The following LSM12 variants were observed in gnomAD, a reference collection of about 807,000 sequenced individuals.
LSM12 encodes protein LSM12.
For missense variants in LSM12, 108 were observed against 238.9 expected (o/e 0.45, Z 3.61); for synonymous variants, 74 against 87.3 (o/e 0.85, Z 0.85).
intron 3 of LSM12, 81 bp downstream of exon 3, chr17:44,040,066 A>C (rs1271404121): frequency 9.5e-7 from 1 of 1,056,464 alleles, no homozygotes; most frequent in Non-Finnish European, 1.4e-6. Context: ...TTAGGAAGAC[A>C]ACCACCCAAA....
Position 44,036,310 on chromosome 17 carries a change from ACCAGGCAAC to A in LSM12, c.496-19_496-11del. 6.2e-7 allele frequency: 1 copy of A among 1,614,130 alleles called. No individual in the cohort carries two copies. The highest frequency in any genetic ancestry group is 8.5e-7 in the Non-Finnish European group (1 of 1,179,992). ...TAAAATGTTTTTCAACCTGAAAAAG[ACCAGGCAAC>A]CCAGGTCAACAAAGGAGATGCGGAA... On this transcript the variant is annotated splice_polypyrimidine_tract_variant and intron_variant, in intron 4 of 4. Coordinates refer to ENST00000293406, the MANE Select transcript of LSM12 (RefSeq NM_001371445.1).
intron 2 of LSM12, among the ~76,000 whole-genome samples, chr17:44,051,781 C>T (rs2049647407): frequency 6.6e-6 from 1 of 152,062 alleles, no homozygotes. Context: ...CAAGACCAGA[C>T]TGGGCAACAT....
At chr17:44,062,580 C>T (rs1255057796) in intron 2 of LSM12, among the ~76,000 whole-genome samples, 2 of 152,026 alleles carry the variant, frequency 1.3e-5, no homozygotes, top group Middle Eastern at 3.2e-3. Context: ...ACTAAATAAA[C>T]GGAATTGTCA....
chr17:44,064,851 T>G (rs1394948069), intron 1 of LSM12, among the ~76,000 whole-genome samples: 1 of 152,020 alleles, frequency 6.6e-6, no homozygotes, highest in Non-Finnish European at 1.5e-5. Flanking sequence ...GCAACTATTC[T>G]TAGGCCGCGC....
intron 2 of LSM12, among the ~76,000 whole-genome samples, chr17:44,048,978 C>T (rs891019108): frequency 6.6e-6 from 1 of 152,138 alleles, no homozygotes; most frequent in Admixed American, 6.6e-5. Context: ...TCACTTGAGG[C>T]CAGGAGTTCA....
chr17:44,051,368 C>T (rs910075421), intron 2 of LSM12, among the ~76,000 whole-genome samples: 1 of 135,876 alleles, frequency 7.4e-6, no homozygotes, highest in Non-Finnish European at 1.5e-5. Flanking sequence ...TTTAGCCTGG[C>T]GACAGAGCGA....
intron 2 of LSM12, among the ~76,000 whole-genome samples, chr17:44,050,990 G>C (rs764699379): frequency 6.6e-6 from 1 of 152,058 alleles, no homozygotes; most frequent in Admixed American, 6.5e-5. Context: ...AATTAGCTGG[G>C]GGGCTGGACG....
intron 2 of LSM12, among the ~76,000 whole-genome samples, chr17:44,054,726 C>A (rs1311316411): frequency 6.6e-6 from 1 of 152,202 alleles, no homozygotes; most frequent in Non-Finnish European, 1.5e-5. Context: ...CATCTCCCAC[C>A]TGTATCTTCC....
At chr17:44,054,837 C>CTT (rs971642524) in intron 2 of LSM12, among the ~76,000 whole-genome samples, 1 of 142,658 alleles carries the variant, frequency 7.0e-6, no homozygotes, top group Admixed American at 7.1e-5. Flanking sequence ...TTTTCTTTTT[C>CTT]TTTTTTTTTT....
At position 44,040,449 on chromosome 17, in the gene LSM12, G is replaced by GTTCC. The variant is rs149954731; in HGVS notation, c.259-197_259-194dup. 2,472 of 511,602 alleles carry GTTCC rather than the reference G, an allele frequency of 4.8e-3. 45 individuals are homozygous for GTTCC. The highest frequency in any genetic ancestry group is 0.042 in the African/African-American group (2,166 of 51,712). 31.7% of individuals were successfully genotyped at this position (511,602 alleles called of 1,614,324 possible). On this transcript the variant is annotated intron_variant, in intron 2 of 4. Coordinates refer to ENST00000293406, the MANE Select transcript of LSM12 (RefSeq NM_001371445.1). ...ACAGTTACTGGTATTCCAAGAAAAC[G>GTTCC]TTCCTTCCTTCCTTCTAATACTTAC...
intron 2 of LSM12, among the ~76,000 whole-genome samples, chr17:44,059,492 TGA>T (rs1050899008): frequency 6.6e-6 from 1 of 152,016 alleles, no homozygotes; most frequent in African/African-American, 2.4e-5. Flanking sequence ...CTCAGGAGGC[TGA>T]GACAGGAGAA....
chr17:44,052,826 TAA>T (rs2049664826), intron 2 of LSM12, among the ~76,000 whole-genome samples: 1 of 150,666 alleles, frequency 6.6e-6, no homozygotes, highest in Admixed American at 6.6e-5. Context: ...TATTTTTATA[TAA>T]ATTTACATAA....
chr17:44,055,693 T>C lies in LSM12; in HGVS notation c.258+8108A>G, dbSNP rs868637961. Among the ~76,000 whole-genome samples, 120 of 143,602 alleles carry C rather than the reference T, an allele frequency of 8.4e-4. 1 individual carries two copies. The highest frequency in any genetic ancestry group is 2.7e-3 in the African/African-American group (106 of 38,986). The allele number at this position is 143,602 out of a possible 152,430, so 94.2% of individuals were successfully genotyped here. A position where few individuals can be genotyped will look rare whatever the true frequency, so the allele number is the denominator to read the frequency against. ...CTGTCTCAAATATATATATATAAAATATATATATATAATATATAAAATATA... is the reference window on the plus strand; with the variant it reads ...CTGTCTCAAATATATATATATAAAACATATATATATAATATATAAAATATA... On this transcript the variant is annotated intron_variant, in intron 2 of 4. Coordinates refer to ENST00000293406, the MANE Select transcript of LSM12 (RefSeq NM_001371445.1).
intron 2 of LSM12, among the ~76,000 whole-genome samples, chr17:44,060,067 A>G (rs1303725173): frequency 1.3e-5 from 2 of 152,222 alleles, no homozygotes; most frequent in Non-Finnish European, 2.9e-5. Flanking sequence ...CGGGAGGCTG[A>G]GGCAGGAGAA....
chr17:44,059,853 G>A (rs1399556866), intron 2 of LSM12, among the ~76,000 whole-genome samples: 1 of 152,120 alleles, frequency 6.6e-6, no homozygotes, highest in Non-Finnish European at 1.5e-5. Flanking sequence ...GGGCCAATAT[G>A]TGATGATACC....
intron 2 of LSM12, among the ~76,000 whole-genome samples, chr17:44,046,262 ATTTTGCTTTTTAAAAGTAAAAAGT>A (rs2049562672): frequency 6.6e-6 from 1 of 151,882 alleles, no homozygotes; most frequent in South Asian, 2.1e-4. Context: ...AAGTAAAAAG[ATTTTGCTTTTTAAAAGTAAAAAGT>A]CTCTGTGTGT....
intron 2 of LSM12, among the ~76,000 whole-genome samples, chr17:44,063,050 CACAG>C (rs1223972715): frequency 6.6e-6 from 1 of 152,004 alleles, no homozygotes; most frequent in Non-Finnish European, 1.5e-5. Flanking sequence ...GCCTGGGCGA[CACAG>C]AGAGACTCTG....
chr17:44,061,981 G>C (rs1003129207), intron 2 of LSM12, among the ~76,000 whole-genome samples: 2 of 152,130 alleles, frequency 1.3e-5, no homozygotes, highest in Non-Finnish European at 2.9e-5. Context: ...CAGCACTTTG[G>C]GAGGCCGAGG....
rs147867157 is a variant in LSM12, at chr17:44,049,233, C to A, written c.259-8977G>T. On this transcript the variant is annotated intron_variant, in intron 2 of 4. Coordinates refer to ENST00000293406, the MANE Select transcript of LSM12 (RefSeq NM_001371445.1). ...ACAAAAACAAAACGAACAAAAAAAA[C>A]CGGCTTCTAATCATGCCTGATGCTG... is the stretch of plus-strand genomic sequence containing the variant. Among the ~76,000 whole-genome samples the A allele has an allele frequency of 2.8e-4, 43 of 152,190 alleles. No individual in the cohort carries two copies. In the East Asian group the frequency reaches 4.8e-3, roughly 17 times the overall value.
Sources: gnomAD v4.1 joint callset for allele counts (sites outside exome capture counted in the v4.1 genomes callset) on GRCh38, gnomAD v4.1.1 for gene constraint, MANE v1.5 for transcripts, NCBI Gene and HGNC (gene_info 2026-07-23, HGNC 2026-07-21) for gene names.